The following WASL variants were observed in gnomAD, a reference collection of about 807,000 sequenced individuals.
WASL encodes the protein actin nucleation-promoting factor WASL.
WASL carries 20 observed loss-of-function variants against 55.5 expected under a neutral mutation model. The observed-to-expected ratio is 0.36, with a 90% CI of 0.25 to 0.52. The LOEUF (loss-of-function observed/expected upper bound fraction) is 0.52, where lower values mean the gene tolerates loss of function less well. Ranked by LOEUF, WASL falls within the 20% of genes least tolerant of loss-of-function variation. The probability of loss-of-function intolerance (pLI) is 0.92; values close to 1 mark genes in which losing one functional copy is unlikely to be tolerated. For missense variants in WASL, 504 were observed against 622.5 expected, an observed-to-expected ratio of 0.81 and a Z score of 2.03; for synonymous variants, 249 against 217.6, an observed-to-expected ratio of 1.14 and a Z score of -1.27.
chr7:123,695,272 G>A (rs572888675), intron 7 of WASL, among the ~76,000 whole-genome samples: 1 of 152,248 alleles, frequency 6.6e-6, no homozygotes, highest in East Asian at 1.9e-4. Flanking sequence ...CACAAGAGGT[G>A]CTCAGTATGT....
intron 1 of WASL, among the ~76,000 whole-genome samples, chr7:123,733,328 T>A (rs566833103): frequency 6.6e-6 from 1 of 152,232 alleles, no homozygotes; most frequent in East Asian, 1.9e-4. Flanking sequence ...GCATACAAGG[T>A]TAATATGCAA....
At chr7:123,710,681 C>T (rs1803740224) in intron 1 of WASL, among the ~76,000 whole-genome samples, 1 of 152,004 alleles carries the variant, frequency 6.6e-6, no homozygotes. Flanking sequence ...CTGAGTAGGA[C>T]ACAAAGGAAC....
chr7:123,693,319 A>T (rs576640012), intron 8 of WASL, among the ~76,000 whole-genome samples: 1 of 152,350 alleles, frequency 6.6e-6, no homozygotes, highest in East Asian at 1.9e-4. Flanking sequence ...TCAGAATTAT[A>T]GTGTAGCATA....
intron 1 of WASL, among the ~76,000 whole-genome samples, chr7:123,732,369 G>C (rs187424798): frequency 6.6e-5 from 10 of 151,912 alleles, no homozygotes; most frequent in African/African-American, 2.4e-4. Flanking sequence ...AAAAAGAAGA[G>C]GTCTATCACT....
intron 1 of WASL, among the ~76,000 whole-genome samples, chr7:123,715,440 G>A (rs528330815): frequency 5.3e-4 from 80 of 152,286 alleles, no homozygotes; most frequent in African/African-American, 1.9e-3. Flanking sequence ...TGTTGATACT[G>A]CTATAAGTCA....
chr7:123,734,472 T>G (rs944388786), intron 1 of WASL, among the ~76,000 whole-genome samples: 1 of 150,400 alleles, frequency 6.6e-6, no homozygotes, highest in Non-Finnish European at 1.5e-5. Context: ...AAAACACTGG[T>G]AAAACTAAAT....
rs1164294384 is a variant in WASL, at chr7:123,683,600, A to T, written c.*919T>A. 1 of 152,000 alleles carries T rather than the reference A, an allele frequency of 6.6e-6. No individual in the cohort carries two copies. Among genetic ancestry groups the T allele is most frequent in the Non-Finnish European group, 1.5e-5 (1 of 67,936 alleles). The allele number at this position is 152,000 out of a possible 1,614,324, so 9.4% of individuals were successfully genotyped here. A position where few individuals can be genotyped will look rare whatever the true frequency, so the allele number is the denominator to read the frequency against. ...ACACCTCAATCCACACAAAGTGCAA[A>T]ATAAAAATGCTAAAATTCTACAGTA... On this transcript the variant is annotated 3_prime_UTR_variant, in exon 11 of 11. Coordinates refer to ENST00000223023, the MANE Select transcript of WASL (RefSeq NM_003941.4).
intron 7 of WASL, 68 bp downstream of exon 7, chr7:123,695,755 A>C (rs1489458149): frequency 1.3e-6 from 2 of 1,523,792 alleles, no homozygotes; most frequent in Non-Finnish European, 1.8e-6. Flanking sequence ...TGAATTTAAA[A>C]AAATCTAAAA....
chr7:123,715,816 T>C (rs927662360), intron 1 of WASL, among the ~76,000 whole-genome samples: 1 of 152,230 alleles, frequency 6.6e-6, no homozygotes. Context: ...CACAGACCTT[T>C]AGCATTACCA....
intron 1 of WASL, among the ~76,000 whole-genome samples, chr7:123,736,623 C>T (rs1804235567): frequency 6.6e-6 from 1 of 152,018 alleles, no homozygotes; most frequent in Non-Finnish European, 1.5e-5. Flanking sequence ...GACTGAAACA[C>T]CATTATGTGA....
chr7:123,731,250 T>C (rs773144022), intron 1 of WASL, among the ~76,000 whole-genome samples: 4 of 152,120 alleles, frequency 2.6e-5, no homozygotes, highest in Non-Finnish European at 4.4e-5. Flanking sequence ...GGGTCAATTA[T>C]ACAAAAAGAC....
At chr7:123,723,062 T>C (rs549449153) in intron 1 of WASL, among the ~76,000 whole-genome samples, 1 of 152,280 alleles carries the variant, frequency 6.6e-6, no homozygotes, top group South Asian at 2.1e-4. Flanking sequence ...TTCCCATCTA[T>C]AAAATGGGAC....
chr7:123,743,482 C>T (rs1051641405), intron 1 of WASL, among the ~76,000 whole-genome samples: 1 of 152,114 alleles, frequency 6.6e-6, no homozygotes, highest in Non-Finnish European at 1.5e-5. Flanking sequence ...GCTGCCCAGA[C>T]ACTCCCCAAA....
At chr7:123,737,028 A>T (rs1294845667) in intron 1 of WASL, among the ~76,000 whole-genome samples, 1 of 152,178 alleles carries the variant, frequency 6.6e-6, no homozygotes, top group Non-Finnish European at 1.5e-5. Context: ...AATAGAAGAA[A>T]CTTCAAAAAT....
intron 1 of WASL, among the ~76,000 whole-genome samples, chr7:123,728,259 A>G (rs932287604): frequency 6.6e-6 from 1 of 152,244 alleles, no homozygotes; most frequent in African/African-American, 2.4e-5. Context: ...AGAAAACACT[A>G]GACTGTCATT....
chr7:123,727,738 G>T (rs1247979343), intron 1 of WASL, among the ~76,000 whole-genome samples: 1 of 151,926 alleles, frequency 6.6e-6, no homozygotes. Context: ...TTATTTTGGG[G>T]GTATGGTCAT....
chr7:123,731,764 G>A (rs1438643082), intron 1 of WASL, among the ~76,000 whole-genome samples: 1 of 152,092 alleles, frequency 6.6e-6, no homozygotes, highest in African/African-American at 2.4e-5. Flanking sequence ...TGTAACTCAT[G>A]AAAATGAGTA....
chr7:123,748,699 C>T lies in WASL; in HGVS notation c.36G>A (p.Arg12=). 4.3e-6 allele frequency: 7 copies of T among 1,610,048 alleles called. No homozygotes were observed. The highest frequency in any genetic ancestry group is 5.9e-6 in the Non-Finnish European group (7 of 1,178,446). ...SSVQQQPPPP[R]RVTNVGSLLL... Reference sequence around the variant, plus strand: ...ACAGGGACCCCACGTTGGTGACCCTCCGCGGCGGCGGCGGCTGCTGCTGGA... The same window carrying T: ...ACAGGGACCCCACGTTGGTGACCCTTCGCGGCGGCGGCGGCTGCTGCTGGA... Residue 12 remains arginine, a synonymous_variant, in exon 1 of 11, where the codon CGG becomes CGA. Transcript: ENST00000223023.
At chr7:123,710,703 T>C (rs1054737326) in intron 1 of WASL, among the ~76,000 whole-genome samples, 4 of 152,158 alleles carry the variant, frequency 2.6e-5, no homozygotes, top group African/African-American at 7.2e-5. Context: ...GAAAAATTTC[T>C]GCAAGAGTCA....
Sources: gnomAD v4.1 joint callset for allele counts (sites outside exome capture counted in the v4.1 genomes callset) on GRCh38, gnomAD v4.1.1 for gene constraint, MANE v1.5 for transcripts, NCBI Gene and HGNC (gene_info 2026-07-23, HGNC 2026-07-21) for gene names.